The following GCGR variants were observed in gnomAD, a reference collection of about 807,000 sequenced individuals.
The protein encoded by GCGR is glucagon receptor.
In GCGR, 41 loss-of-function variants were observed where a neutral mutation model predicts 56.1. The ratio of observed to expected loss-of-function variants is 0.73; its 90% confidence interval spans 0.57 to 0.95. GCGR has a LOEUF of 0.95. Among genes scored for constraint, GCGR ranks in the 40% least tolerant of loss-of-function variants. The probability of loss-of-function intolerance (pLI) is 0.00; values close to 1 mark genes in which losing one functional copy is unlikely to be tolerated. For missense variants in GCGR, 595 were observed against 638.2 expected (o/e 0.93, Z 0.73); for synonymous variants, 278 against 271.1 (o/e 1.03, Z -0.25).
At position 81,813,000 on chromosome 17, in the gene GCGR, C is replaced by T. The variant is rs1430460105; in HGVS notation, c.1177-16C>T. ...CGGGGCGCAGTGTGCCACCCCTGAC[C>T]ACCCTGTCTCTCCAGGGCCTGCTGG... On this transcript the variant is annotated splice_polypyrimidine_tract_variant and intron_variant, in intron 12 of 13. Transcript: ENST00000400723. The surrounding 1 kb of genome is among the most constrained non-coding windows in gnomAD (Gnocchi z 8.5). 1 of 1,536,328 alleles carries T rather than the reference C, an allele frequency of 6.5e-7. No homozygotes were observed. The highest frequency in any genetic ancestry group is 2.0e-5 in the Admixed American group (1 of 51,000).
chr17:81,811,877 C>A lies in GCGR; in HGVS notation c.818-9C>A, dbSNP rs1367805509. Reference sequence around the variant, plus strand: ...AAGCCTTTGGGACCACAGCTGCTGCCCCCCACAGGTGCCCCCATGCTGTTC... The same window carrying A: ...AAGCCTTTGGGACCACAGCTGCTGCACCCCACAGGTGCCCCCATGCTGTTC... On this transcript the variant is annotated splice_polypyrimidine_tract_variant and intron_variant, in intron 8 of 13. Transcript: ENST00000400723. The surrounding 1 kb of genome is among the most constrained non-coding windows in gnomAD (Gnocchi z 5.8). The A allele has an allele frequency of 4.6e-6, 7 of 1,537,088 alleles. No homozygotes were observed. The Middle Eastern group carries it at 6.7e-4, about 147-fold the overall frequency.
At position 81,810,259 on chromosome 17, in the gene GCGR, A is replaced by G. The variant is rs1598236576; in HGVS notation, c.163+375A>G. On this transcript the variant is annotated intron_variant, in intron 3 of 13. Transcript: ENST00000400723. The surrounding 1 kb of genome is among the most constrained non-coding windows in gnomAD (Gnocchi z 4.6). ...CTGGGAGGGCTCGGGTGGAGAGTGT[A>G]TATCATGGCCTGGACACTTGGGGTG... 5.2e-6 allele frequency: 2 copies of G among 382,218 alleles called. No homozygotes were observed. The highest frequency in any genetic ancestry group is 1.0e-5 in the Non-Finnish European group (2 of 198,354). The allele number at this position is 382,218 out of a possible 1,614,324, so 23.7% of individuals were successfully genotyped here. A position where few individuals can be genotyped will look rare whatever the true frequency, so the allele number is the denominator to read the frequency against.
chr17:81,810,786 G>T lies in GCGR; in HGVS notation c.164-39G>T. On this transcript the variant is annotated intron_variant, in intron 3 of 13. Transcript: ENST00000400723. The surrounding 1 kb of genome is among the most constrained non-coding windows in gnomAD (Gnocchi z 4.6). ...CTGAGGGAGCCCCTTCTCCCACCCT[G>T]CCCTGCCCTGCTCTGCCCTGCCCTA... The T allele has an allele frequency of 2.0e-6, 3 of 1,486,000 alleles. No homozygotes were observed. Among genetic ancestry groups the T allele is most frequent in the Non-Finnish European group, 2.7e-6 (3 of 1,101,074 alleles). The allele number at this position is 1,486,000 out of a possible 1,614,324, so 92.1% of individuals were successfully genotyped here.
In GCGR at chr17:81,804,666, T is replaced by C. The variant is rs1365585966; in HGVS notation, c.-178+417T>C. 6.6e-6 allele frequency among the ~76,000 whole-genome samples: 1 copy of C among 151,812 alleles called. No homozygotes were observed. Among genetic ancestry groups the C allele is most frequent in the African/African-American group, 2.4e-5 (1 of 41,298 alleles). ...GAGGCGCGGGGTCTCACCAGCGCTG[T>C]CTCCCCTCGGTGGGCTCCTGCCCCG... On this transcript the variant is annotated intron_variant, in intron 1 of 13. Coordinates refer to ENST00000400723, the MANE Select transcript of GCGR (RefSeq NM_000160.5). This position sits in a 1 kb window ranked among gnomAD's most constrained non-coding sequence, Gnocchi z 8.2.
At position 81,804,640 on chromosome 17, in the gene GCGR, C is replaced by G. The variant is rs950945684; in HGVS notation, c.-178+391C>G. Among the ~76,000 whole-genome samples the G allele has an allele frequency of 1.3e-5, 2 of 152,036 alleles. No homozygotes were observed. Among genetic ancestry groups the G allele is most frequent in the Non-Finnish European group, 2.9e-5 (2 of 67,964 alleles). Reference sequence around the variant, plus strand: ...GCACAAAGCGCCGCGGACGCGTCCCCGAGGCGCGGGGTCTCACCAGCGCTG... The same window carrying G: ...GCACAAAGCGCCGCGGACGCGTCCCGGAGGCGCGGGGTCTCACCAGCGCTG... On this transcript the variant is annotated intron_variant, in intron 1 of 13. Coordinates refer to ENST00000400723, the MANE Select transcript of GCGR (RefSeq NM_000160.5). This position sits in a 1 kb window ranked among gnomAD's most constrained non-coding sequence, Gnocchi z 8.2.
chr17:81,811,344 C>A lies in GCGR; in HGVS notation c.500+16C>A, dbSNP rs779693689. 6.5e-6 allele frequency: 10 copies of A among 1,534,326 alleles called. No homozygotes were observed. In the African/African-American group the frequency reaches 9.6e-5, roughly 15 times the overall value. On this transcript the variant is annotated intron_variant, in intron 6 of 13. Coordinates refer to ENST00000400723, the MANE Select transcript of GCGR (RefSeq NM_000160.5). The surrounding 1 kb of genome is among the most constrained non-coding windows in gnomAD (Gnocchi z 5.8). ...GGGGCCTCAGGTAGGATTCCGCCAG[C>A]GCCCGGGGCGGCCGCAGAGGACAGG...
intron 1 of GCGR, among the ~76,000 whole-genome samples, chr17:81,807,336 C>G (rs138583122): frequency 6.6e-6 from 1 of 152,158 alleles, no homozygotes; most frequent in Non-Finnish European, 1.5e-5. Flanking sequence ...CCAAGGGCTG[C>G]GGTTGGGAGC....
intron 1 of GCGR, 140 bp from the exon 2 acceptor site, chr17:81,808,702 G>C: frequency 2.6e-6 from 1 of 390,676 alleles, no homozygotes; most frequent in East Asian, 5.4e-5. Flanking sequence ...TGTATTTTTA[G>C]TAGAGACGGG....
At position 81,809,458 on chromosome 17, in the gene GCGR, T is replaced by C. The variant is rs1227341963; in HGVS notation, c.61-324T>C. On this transcript the variant is annotated intron_variant, in intron 2 of 13. Coordinates refer to ENST00000400723, the MANE Select transcript of GCGR (RefSeq NM_000160.5). ...GCCTGTCCGTCTGCCTGCCTGCCTG[T>C]CTGTCTGCCTGCCTGTCTGCCTGCC... Among the ~76,000 whole-genome samples the C allele has an allele frequency of 9.9e-5, 13 of 131,430 alleles. No homozygotes were observed. The East Asian group carries it at 1.2e-3, about 12-fold the overall frequency. 86.2% of individuals were successfully genotyped at this position (131,430 alleles called of 152,430 possible).
intron 1 of GCGR, 122 bp from the exon 2 acceptor site, chr17:81,808,720 T>C (rs1050665423): frequency 2.0e-5 from 9 of 448,968 alleles, no homozygotes; most frequent in Middle Eastern, 6.0e-4. Context: ...GGGGTTTCAC[T>C]GTGTTAGCCA....
chr17:81,812,945 G>A lies in GCGR; in HGVS notation c.1176G>A (p.Gln392=). The A allele has an allele frequency of 6.5e-7, 1 of 1,535,770 alleles. No homozygotes were observed. Among genetic ancestry groups the A allele is most frequent in the South Asian group, 1.2e-5 (1 of 84,028 alleles). Residue 392 remains glutamine, a splice_region_variant and synonymous_variant, in exon 12 of 14, where the codon CAG becomes CAA. Coordinates refer to ENST00000400723, the MANE Select transcript of GCGR (RefSeq NM_000160.5). The surrounding 1 kb of genome is among the most constrained non-coding windows in gnomAD (Gnocchi z 8.5). ...TCGACCTCTTCCTCAGCTCCTTCCA[G>A]GTGCCCGCCCGCCCGCCGGCTCCCC... ...LFFDLFLSSF[Q]GLLVAVLYCF...
rs2037893604 is a variant in GCGR at position 81,804,194 on chromosome 17, CGA to C, written c.-231_-230del. On this transcript the variant is annotated 5_prime_UTR_variant, in exon 1 of 14. Coordinates refer to ENST00000400723, the MANE Select transcript of GCGR (RefSeq NM_000160.5). The surrounding 1 kb of genome is among the most constrained non-coding windows in gnomAD (Gnocchi z 8.2). ...GACGAGCGGTCACCGGCGCCCGACC[CGA>C]GCGCGCCCAGAGGACGGCGGGGAGC... The C allele has an allele frequency of 1.3e-5, 2 of 151,370 alleles. No homozygotes were observed. The highest frequency in any genetic ancestry group is 4.8e-5 in the African/African-American group (2 of 41,438). 9.4% of individuals were successfully genotyped at this position (151,370 alleles called of 1,614,324 possible).
chr17:81,809,885 G>C lies in GCGR; in HGVS notation c.163+1G>C. On this transcript the variant is annotated splice_donor_variant, in intron 3 of 13. Transcript: ENST00000400723. LOFTEE classifies it high-confidence loss of function. ...CTGAGCCTGCTGCCCCCTCCCACGG[G>C]TGAGCCCCCCACCCAGAGCCTTTCA... The C allele has an allele frequency of 6.5e-7, 1 of 1,530,720 alleles. No individual in the cohort carries two copies. The highest frequency in any genetic ancestry group is 8.8e-7 in the Non-Finnish European group (1 of 1,141,686). 94.8% of individuals were successfully genotyped at this position (1,530,720 alleles called of 1,614,324 possible).
At chr17:81,807,021 C>T (rs1176560470) in intron 1 of GCGR, among the ~76,000 whole-genome samples, 3 of 152,190 alleles carry the variant, frequency 2.0e-5, no homozygotes, top group African/African-American at 7.2e-5. Context: ...TGGGGAGAGG[C>T]GGCTCCTGCT....
chr17:81,812,113 G>T lies in GCGR; in HGVS notation c.879-70G>T. 6.6e-7 allele frequency: 1 copy of T among 1,524,290 alleles called. No individual in the cohort carries two copies. The highest frequency in any genetic ancestry group is 1.2e-5 in the South Asian group (1 of 83,818). The allele number at this position is 1,524,290 out of a possible 1,614,324, so 94.4% of individuals were successfully genotyped here. On this transcript the variant is annotated intron_variant, in intron 9 of 13. Transcript: ENST00000400723. This position sits in a 1 kb window ranked among gnomAD's most constrained non-coding sequence, Gnocchi z 8.5. Reference sequence around the variant, plus strand: ...ACCCGAATTAGATCCTGGCAAAATCGGGACGGGGGTGCTGAGGGGCGGAGG... The same window carrying T: ...ACCCGAATTAGATCCTGGCAAAATCTGGACGGGGGTGCTGAGGGGCGGAGG...
At chr17:81,809,698 C>T (rs982736066) in intron 2 of GCGR, 84 bp from the exon 3 acceptor site, 11 of 1,041,696 alleles carry the variant, frequency 1.1e-5, no homozygotes, top group Non-Finnish European at 1.4e-5. Flanking sequence ...CATCTACCTG[C>T]CTGCCTGTCT....
rs1049018828 is a variant in GCGR, at chr17:81,804,702, G to A, written c.-178+453G>A. 1.3e-5 allele frequency among the ~76,000 whole-genome samples: 2 copies of A among 152,086 alleles called. No homozygotes were observed. Among genetic ancestry groups the A allele is most frequent in the Non-Finnish European group, 2.9e-5 (2 of 67,984 alleles). On this transcript the variant is annotated intron_variant, in intron 1 of 13. Transcript: ENST00000400723. This position sits in a 1 kb window ranked among gnomAD's most constrained non-coding sequence, Gnocchi z 8.2. Reference sequence around the variant, plus strand: ...TGGGCTCCTGCCCCGAGGACTGCCCGGTGGCACCGGCGCGGCCCAGGATGG... The same window carrying A: ...TGGGCTCCTGCCCCGAGGACTGCCCAGTGGCACCGGCGCGGCCCAGGATGG...
Position 81,811,304 on chromosome 17 carries a change from C to T in GCGR, c.476C>T (p.Ala159Val). ...YSLSLGALLL[A>V]LAILGGLSKL... ...CTGTCCCTGGGGGCCCTGCTCCTCG[C>T]CTTGGCCATCCTGGGGGGCCTCAGG... The change falls in exon 6 of 14, where the codon GCC becomes GTC. Residue 159 changes from alanine (A) to valine (V), a missense_variant. Transcript: ENST00000400723. The surrounding 1 kb of genome is among the most constrained non-coding windows in gnomAD (Gnocchi z 5.8). 6.5e-7 allele frequency: 1 copy of T among 1,535,434 alleles called. No individual in the cohort carries two copies. The highest frequency in any genetic ancestry group is 8.7e-7 in the Non-Finnish European group (1 of 1,146,208).
chr17:81,804,615 G>A lies in GCGR; in HGVS notation c.-178+366G>A, dbSNP rs1310530090. ...CCCGGGCCCCGCCGCCCTGGGGAGC[G>A]CACAAAGCGCCGCGGACGCGTCCCC... On this transcript the variant is annotated intron_variant, in intron 1 of 13. Transcript: ENST00000400723. This position sits in a 1 kb window ranked among gnomAD's most constrained non-coding sequence, Gnocchi z 8.2. Among the ~76,000 whole-genome samples the A allele has an allele frequency of 6.6e-6, 1 of 151,884 alleles. No homozygotes were observed. The highest frequency in any genetic ancestry group is 1.5e-5 in the Non-Finnish European group (1 of 67,922).
Sources: gnomAD v4.1 joint callset for allele counts (sites outside exome capture counted in the v4.1 genomes callset) on GRCh38, gnomAD v4.1.1 for gene constraint, Gnocchi (gnomAD v3.1) non-coding constraint, MANE v1.5 for transcripts, NCBI Gene and HGNC (gene_info 2026-07-23, HGNC 2026-07-21) for gene names.